The following CACNA2D4 variants were observed in gnomAD, a reference collection of about 807,000 sequenced individuals.
CACNA2D4 encodes the protein calcium voltage-gated channel auxiliary subunit alpha2delta 4.
Under a neutral mutation model 163.8 loss-of-function variants are expected in CACNA2D4, and 157 were observed. The observed-to-expected ratio is 0.96, with a 90% CI of 0.84 to 1.09. The LOEUF (loss-of-function observed/expected upper bound fraction) is 1.09. Ranked by LOEUF, CACNA2D4 falls within the 50% of genes least tolerant of loss-of-function variation. CACNA2D4 has a pLI of 0.00. For synonymous variants in CACNA2D4, 598 were observed against 586.9 expected, an observed-to-expected ratio of 1.02 and a Z score of -0.27; for missense variants, 1,410 against 1,479.9, an observed-to-expected ratio of 0.95 and a Z score of 0.78.
intron 23 of CACNA2D4, among the ~76,000 whole-genome samples, chr12:1,852,030 T>C (rs1865294615): frequency 6.6e-6 from 1 of 152,234 alleles, no homozygotes; most frequent in Non-Finnish European, 1.5e-5. Context: ...TCTTCTATCT[T>C]TTTTGTGTGT....
At chr12:1,908,206 G>T (rs1866715149) in intron 4 of CACNA2D4, among the ~76,000 whole-genome samples, 169 bp from the exon 5 acceptor site, 1 of 152,220 alleles carries the variant, frequency 6.6e-6, no homozygotes, top group Admixed American at 6.5e-5. Context: ...GGGCGATTCG[G>T]GACAAAAATA....
chr12:1,801,820 G>A (rs890970058), intron 29 of CACNA2D4, among the ~76,000 whole-genome samples, 176 bp from the exon 30 acceptor site: 1 of 152,064 alleles, frequency 6.6e-6, no homozygotes, highest in East Asian at 1.9e-4. Flanking sequence ...GCCCCTGTCC[G>A]GTCCTGGCTC....
intron 6 of CACNA2D4, among the ~76,000 whole-genome samples, chr12:1,897,058 C>T (rs538076438): frequency 3.2e-4 from 34 of 106,674 alleles, no homozygotes; most frequent in African/African-American, 1.4e-3. Flanking sequence ...GGGCCGGGAG[C>T]GGTGGCTCTT....
chr12:1,811,275 C>T (rs186296184), intron 27 of CACNA2D4, among the ~76,000 whole-genome samples: 3 of 152,310 alleles, frequency 2.0e-5, no homozygotes, highest in African/African-American at 4.8e-5. Flanking sequence ...ACGGACAGGA[C>T]GAGGCCAGGC....
At chr12:1,838,934 C>T (rs191696142) in intron 26 of CACNA2D4, among the ~76,000 whole-genome samples, 2 of 152,196 alleles carry the variant, frequency 1.3e-5, no homozygotes, top group Admixed American at 6.5e-5. Context: ...GGCAGCCAGG[C>T]GGGCACAAAT....
intron 7 of CACNA2D4, 28 bp from the exon 8 acceptor site, chr12:1,886,401 A>G: frequency 1.2e-6 from 2 of 1,607,132 alleles, no homozygotes; most frequent in Non-Finnish European, 1.7e-6. Context: ...CATGCCCAAG[A>G]TGGGAAAACC....
intron 18 of CACNA2D4, 130 bp from the exon 19 acceptor site, chr12:1,860,336 C>G (rs1323190791): frequency 1.4e-6 from 1 of 689,848 alleles, no homozygotes; most frequent in Non-Finnish European, 2.6e-6. Flanking sequence ...TCCTCCCTGA[C>G]CAGCCCCTAC....
At chr12:1,863,899 A>G (rs980564736) in intron 18 of CACNA2D4, among the ~76,000 whole-genome samples, 16 of 32,448 alleles carry the variant, frequency 4.9e-4, no homozygotes, top group Admixed American at 1.6e-3. Flanking sequence ...TCACTTTACA[A>G]AAAAAAAAAA....
chr12:1,799,954 A>G lies in CACNA2D4; in HGVS notation c.2974+46T>C. ...AATGGTCTCACGTTAGTGGACCAAA[A>G]TGCCACTGCTCTTCAGCACATGGCC... is the stretch of plus-strand genomic sequence containing the variant. On this transcript the variant is annotated intron_variant, in intron 33 of 37. Transcript: ENST00000382722. This position sits in a 1 kb window ranked among gnomAD's most constrained non-coding sequence, Gnocchi z 4.7. 8 of 1,574,486 alleles carry G rather than the reference A, an allele frequency of 5.1e-6. No individual in the cohort carries two copies. Among genetic ancestry groups the G allele is most frequent in the Non-Finnish European group, 6.0e-6 (7 of 1,158,220 alleles).
chr12:1,907,655 GT>G, intron 5 of CACNA2D4, 84 bp from the exon 6 acceptor site: 1 of 890,858 alleles, frequency 1.1e-6, no homozygotes, highest in Non-Finnish European at 1.4e-6. Context: ...CCTGGTGGGC[GT>G]GTCTGGTGGG....
chr12:1,810,153 C>A, intron 29 of CACNA2D4, 125 bp downstream of exon 29: 2 of 727,660 alleles, frequency 2.7e-6, no homozygotes, highest in Non-Finnish European at 2.4e-6. Context: ...GACCTTTCAC[C>A]TGAATTGGCC....
At chr12:1,822,453 A>G (rs949889301) in intron 26 of CACNA2D4, among the ~76,000 whole-genome samples, 1 of 150,728 alleles carries the variant, frequency 6.6e-6, no homozygotes, top group Non-Finnish European at 1.5e-5. Flanking sequence ...TGGGAATACC[A>G]CCCTGAGCCC....
At chr12:1,865,433 C>T (rs542869780) in intron 18 of CACNA2D4, among the ~76,000 whole-genome samples, 2 of 152,262 alleles carry the variant, frequency 1.3e-5, no homozygotes, top group Non-Finnish European at 2.9e-5. Flanking sequence ...CAGTGTCTGT[C>T]TTCCTCCAAA....
chr12:1,913,253 G>C lies in CACNA2D4; in HGVS notation c.310-114C>G, dbSNP rs1482929518. On this transcript the variant is annotated intron_variant, in intron 2 of 37. Coordinates refer to ENST00000382722, the MANE Select transcript of CACNA2D4 (RefSeq NM_172364.5). ...AGATGCATTCCGGCACATGGAGCCTGGTTTACTCAACTAGGGTGAGGCCCA... is the reference window on the plus strand; with the variant it reads ...AGATGCATTCCGGCACATGGAGCCTCGTTTACTCAACTAGGGTGAGGCCCA... 12 of 736,524 alleles carry C rather than the reference G, an allele frequency of 1.6e-5. No homozygotes were observed. The African/African-American group carries it at 2.1e-4, about 13-fold the overall frequency. 45.6% of individuals were successfully genotyped at this position (736,524 alleles called of 1,614,324 possible). A position where few individuals can be genotyped will look rare whatever the true frequency, so the allele number is the denominator to read the frequency against.
Position 1,795,705 on chromosome 12 carries a change from G to A in CACNA2D4, c.3189C>T (p.Ile1063=), listed in dbSNP as rs913019318. The A allele has an allele frequency of 6.2e-7, 1 of 1,613,242 alleles. No individual in the cohort carries two copies. Among genetic ancestry groups the A allele is most frequent in the Middle Eastern group, 1.7e-4 (1 of 6,012 alleles). ...LVTDPTCDCS[I]FPPVLQEATE... ...TCGCCTCCTGCAGCACTGGTGGGAA[G>A]ATGCTGCAGTCACAGGTGGGGTCTG... The change falls in exon 36 of 38, where the codon ATC becomes ATT. Residue 1063 remains isoleucine (I), a synonymous_variant. Transcript: ENST00000382722.
chr12:1,809,581 C>A (rs1303130906), intron 29 of CACNA2D4: 3 of 702,034 alleles, frequency 4.3e-6, no homozygotes, highest in Non-Finnish European at 7.8e-6. Flanking sequence ...AAGGAATAAT[C>A]CATTTTGAGG....
intron 26 of CACNA2D4, chr12:1,836,062 C>T (rs1864846933): frequency 6.6e-6 from 1 of 152,272 alleles, no homozygotes; most frequent in African/African-American, 2.4e-5. Flanking sequence ...CACGTGCTGC[C>T]CAGAGGCTCC....
At chr12:1,825,232 A>C (rs960535820) in intron 26 of CACNA2D4, among the ~76,000 whole-genome samples, 2 of 152,138 alleles carry the variant, frequency 1.3e-5, no homozygotes, top group Non-Finnish European at 2.9e-5. Flanking sequence ...GGAGACACTG[A>C]GGGATGGGAG....
chr12:1,849,835 C>T (rs1865234265), intron 23 of CACNA2D4, among the ~76,000 whole-genome samples: 3 of 152,088 alleles, frequency 2.0e-5, no homozygotes, highest in Admixed American at 2.0e-4. Flanking sequence ...TCTAGATAAG[C>T]AGTGGAGATA....
Sources: gnomAD v4.1 joint callset for allele counts (sites outside exome capture counted in the v4.1 genomes callset) on GRCh38, gnomAD v4.1.1 for gene constraint, Gnocchi (gnomAD v3.1) non-coding constraint, MANE v1.5 for transcripts, NCBI Gene and HGNC (gene_info 2026-07-23, HGNC 2026-07-21) for gene names.